Variants in DSCAML1 observed in about 807,000 individuals in gnomAD.
The protein encoded by DSCAML1 is cell adhesion molecule DSCAML1.
In DSCAML1, 38 loss-of-function variants were observed where a neutral mutation model predicts 200.5. That is an observed-to-expected ratio of 0.19 (90% CI 0.15 to 0.25). DSCAML1 has a LOEUF of 0.25. DSCAML1 is among the 10% of genes least tolerant of loss of function. The probability of loss-of-function intolerance (pLI) is 1.00; values close to 1 mark genes in which losing one functional copy is unlikely to be tolerated. For missense variants in DSCAML1, 2,223 were observed against 2,858.8 expected (o/e 0.78, Z 5.07); for synonymous variants, 1,215 against 1,165.0 (o/e 1.04, Z -0.87).
At chr11:117,739,466 A>G (rs2054382364) in intron 3 of DSCAML1, among the ~76,000 whole-genome samples, 1 of 152,260 alleles carries the variant, frequency 6.6e-6, no homozygotes, top group Admixed American at 6.5e-5. Context: ...GGAATGGATA[A>G]TGAGATAAAA....
chr11:117,807,620 CAG>C (rs1342056135), intron 1 of DSCAML1, among the ~76,000 whole-genome samples: 5 of 152,190 alleles, frequency 3.3e-5, no homozygotes, highest in Admixed American at 6.5e-5. Flanking sequence ...GTTTTCTCCG[CAG>C]AGTTGTTTAG....
intron 1 of DSCAML1, among the ~76,000 whole-genome samples, chr11:117,812,202 T>C (rs1318782246): frequency 6.6e-6 from 1 of 152,158 alleles, no homozygotes; most frequent in Non-Finnish European, 1.5e-5. Context: ...CGACCAATCA[T>C]GCACCCCTTA....
At chr11:117,783,757 C>G (rs763079361) in intron 1 of DSCAML1, among the ~76,000 whole-genome samples, 54 of 152,282 alleles carry the variant, frequency 3.5e-4, no homozygotes, top group Non-Finnish European at 6.2e-4. Context: ...ACTGCAGAAA[C>G]CCCATGGAAG....
In DSCAML1 at chr11:117,430,691, G is replaced by C. The variant is rs757167476; in HGVS notation, c.5686+31C>G. 21 of 1,580,206 alleles carry C rather than the reference G, an allele frequency of 1.3e-5. No homozygotes were observed. In the Admixed American group the frequency reaches 3.6e-4, roughly 27 times the overall value. On this transcript the variant is annotated intron_variant, in intron 32 of 32. Coordinates refer to ENST00000651296, the MANE Select transcript of DSCAML1 (RefSeq NM_020693.4). Reference sequence around the variant, plus strand: ...GGGGCTGGGGCCAGGGGGCGGGGGGGCACTGCCTGGGAGGTGGTCTGAGCA... The same window carrying C: ...GGGGCTGGGGCCAGGGGGCGGGGGGCCACTGCCTGGGAGGTGGTCTGAGCA...
intron 3 of DSCAML1, among the ~76,000 whole-genome samples, chr11:117,679,883 G>C (rs1233646856): frequency 1.3e-5 from 2 of 152,192 alleles, no homozygotes; most frequent in Admixed American, 6.5e-5. Flanking sequence ...TCAGATGTCA[G>C]ATATGAGACC....
chr11:117,723,295 G>A (rs568266987), intron 3 of DSCAML1, among the ~76,000 whole-genome samples: 96 of 152,094 alleles, frequency 6.3e-4, no homozygotes, highest in Middle Eastern at 3.4e-3. Context: ...GAAAAAATAG[G>A]GGATCCCCAT....
At chr11:117,500,703 GA>G (rs2049378451) in intron 11 of DSCAML1, among the ~76,000 whole-genome samples, 1 of 152,212 alleles carries the variant, frequency 6.6e-6, no homozygotes, top group Non-Finnish European at 1.5e-5. Context: ...ACCATTAAGT[GA>G]GTGCTGAGTT....
At chr11:117,442,329 GTA>G (rs1296023581) in intron 21 of DSCAML1, among the ~76,000 whole-genome samples, 2 of 143,536 alleles carry the variant, frequency 1.4e-5, no homozygotes, top group Non-Finnish European at 3.0e-5. Flanking sequence ...GTATTAGTGT[GTA>G]TAGTGTGTAT....
intron 16 of DSCAML1, among the ~76,000 whole-genome samples, chr11:117,465,890 G>A (rs1428062175): frequency 1.3e-5 from 2 of 152,164 alleles, no homozygotes; most frequent in Admixed American, 6.5e-5. Flanking sequence ...TAAAAAGAAA[G>A]AGTCCCAAGA....
intron 1 of DSCAML1, among the ~76,000 whole-genome samples, chr11:117,786,277 C>A (rs1488241415): frequency 6.6e-6 from 1 of 152,162 alleles, no homozygotes. Flanking sequence ...ATGTGACAGA[C>A]GCCCAGACTT....
rs780939747 is a variant in DSCAML1, at chr11:117,797,177, G to T, written c.-98C>A. The T allele has an allele frequency of 1.9e-6, 3 of 1,573,430 alleles. No individual in the cohort carries two copies. Among genetic ancestry groups the T allele is most frequent in the Non-Finnish European group, 8.6e-7 (1 of 1,161,702 alleles). On this transcript the variant is annotated 5_prime_UTR_variant, in exon 1 of 33. Transcript: ENST00000651296. ...AGCGCGCTCCCAGCCGCCCGCACTC[G>T]GCGCCCCGCTCTCTCTGCTCCTCAG...
chr11:117,691,231 C>A (rs1416275788), intron 3 of DSCAML1, among the ~76,000 whole-genome samples: 2 of 152,026 alleles, frequency 1.3e-5, no homozygotes, highest in Non-Finnish European at 2.9e-5. Context: ...CACGGGGATC[C>A]TAGGGAGATG....
intron 3 of DSCAML1, among the ~76,000 whole-genome samples, chr11:117,644,533 C>T (rs751757788): frequency 6.6e-6 from 1 of 152,250 alleles, no homozygotes; most frequent in Non-Finnish European, 1.5e-5. Context: ...GTTTTCTTTC[C>T]TTCCTCCCTC....
In DSCAML1 at chr11:117,431,694, G is replaced by T; in HGVS notation, c.5214C>A (p.His1738Gln). The change falls in exon 31 of 33, where the codon CAC (histidine) becomes CAA (glutamine). Residue 1738 changes from histidine to glutamine, a missense_variant. Physicochemically the swap from His to Gln is conservative, Grantham distance 24. This residue lies in a region of DSCAML1 where 614 missense variants were observed against 739.1 expected (regional missense o/e 0.83). Transcript: ENST00000651296. Reference sequence around the variant, plus strand: ...GGCTTGAGTACCGGTTCCGGGTGCTGTGGGCTGACTTCACATTCTTCCTGG... The same window carrying T: ...GGCTTGAGTACCGGTTCCGGGTGCTTTGGGCTGACTTCACATTCTTCCTGG... ...PVSRKNVKSA[H>Q]STRNRYSSQW... The T allele has an allele frequency of 6.2e-7, 1 of 1,602,356 alleles. No homozygotes were observed. Among genetic ancestry groups the T allele is most frequent in the African/African-American group, 1.3e-5 (1 of 74,682 alleles).
intron 27 of DSCAML1, among the ~76,000 whole-genome samples, chr11:117,434,576 T>C (rs1188005760): frequency 1.3e-5 from 2 of 152,208 alleles, no homozygotes; most frequent in Non-Finnish European, 2.9e-5. Flanking sequence ...ATAATCATTA[T>C]CTGGCCATTC....
At chr11:117,451,903 G>C (rs192165607) in intron 19 of DSCAML1, among the ~76,000 whole-genome samples, 1 of 152,150 alleles carries the variant, frequency 6.6e-6, no homozygotes, top group Non-Finnish European at 1.5e-5. Context: ...TTTGCATTCT[G>C]TCTCTAACTC....
chr11:117,451,937 T>C (rs1183318964), intron 19 of DSCAML1, among the ~76,000 whole-genome samples: 2 of 152,224 alleles, frequency 1.3e-5, no homozygotes, highest in Non-Finnish European at 2.9e-5. Flanking sequence ...CCTACCTCAA[T>C]GTTTTCTTTC....
intron 3 of DSCAML1, among the ~76,000 whole-genome samples, chr11:117,651,883 G>A (rs955590602): frequency 1.3e-5 from 2 of 152,152 alleles, no homozygotes; most frequent in African/African-American, 4.8e-5. Context: ...TAGGTTCAGG[G>A]AAACAGCGGG....
intron 1 of DSCAML1, among the ~76,000 whole-genome samples, chr11:117,787,784 C>T (rs1238212910): frequency 6.6e-6 from 1 of 152,214 alleles, no homozygotes; most frequent in East Asian, 1.9e-4. Flanking sequence ...TTTGCTAATT[C>T]CCAGGCCTTA....
Sources: allele counts gnomAD v4.1 joint callset (sites outside exome capture counted in the v4.1 genomes callset), GRCh38; gene constraint gnomAD v4.1.1; regional missense constraint gnomAD v4.1.1; transcripts MANE v1.5; gene names NCBI Gene and HGNC (gene_info 2026-07-23, HGNC 2026-07-21).